NEXMIF: variants seen among roughly 807,000 people sequenced by gnomAD.
NEXMIF encodes neurite extension and migration factor.
Under a neutral mutation model 62.1 loss-of-function variants are expected in NEXMIF, and 8 were observed. The ratio of observed to expected loss-of-function variants is 0.13; its 90% confidence interval spans 0.08 to 0.23. The LOEUF (loss-of-function observed/expected upper bound fraction) is 0.23. NEXMIF is among the 10% of genes least tolerant of loss of function. The pLI, the probability that NEXMIF is intolerant of heterozygous loss-of-function variation, is 1.00. For synonymous variants in NEXMIF, 404 were observed against 416.6 expected, an observed-to-expected ratio of 0.97 and a Z score of 0.37; for missense variants, 976 against 1,113.3, an observed-to-expected ratio of 0.88 and a Z score of 1.75.
intron 1 of NEXMIF, among the ~76,000 whole-genome samples, chrX:74,850,153 T>C (rs1216633657): frequency 8.9e-6 from 1 of 111,791 alleles, no homozygotes; most frequent in African/African-American, 3.3e-5. Flanking sequence ...ACTTGAGCAC[T>C]TCTCCCAGGG....
chrX:74,763,700 T>C (rs998553913), intron 1 of NEXMIF, among the ~76,000 whole-genome samples: 82 of 69,216 alleles, frequency 1.2e-3, no homozygotes, highest in African/African-American at 3.5e-3. Flanking sequence ...GTAAGTTGAA[T>C]TCCTAGGTAT....
At chrX:74,855,133 A>G (rs1220247274) in intron 1 of NEXMIF, among the ~76,000 whole-genome samples, 1 of 111,969 alleles carries the variant, frequency 8.9e-6, no homozygotes. Flanking sequence ...AAGGTACAGA[A>G]CTGGAGGCAT....
At position 74,759,196 on chromosome X, in the gene NEXMIF, GTGTC is replaced by G. The variant is rs1352629261; in HGVS notation, c.-47-13503_-47-13500del. ...TCATATGATTGTCTTCTTTTGAAAA[GTGTC>G]TGTTCATGTCCTTTGCCCACTTTTT... On this transcript the variant is annotated intron_variant, in intron 1 of 3. Coordinates refer to ENST00000055682, the MANE Select transcript of NEXMIF (RefSeq NM_001008537.3). 2.7e-5 allele frequency among the ~76,000 whole-genome samples: 3 copies of G among 112,369 alleles called. 1 individual carries two copies. Among genetic ancestry groups the G allele is most frequent in the Middle Eastern group, 9.3e-3 (2 of 214 alleles).
At chrX:74,919,931 C>T (rs1237784008) in intron 1 of NEXMIF, among the ~76,000 whole-genome samples, 1 of 110,632 alleles carries the variant, frequency 9.0e-6, no homozygotes, top group Non-Finnish European at 1.9e-5. Context: ...CAATTTCATC[C>T]ATGTCCCTAC....
intron 1 of NEXMIF, among the ~76,000 whole-genome samples, chrX:74,760,385 T>C (rs2080172214): frequency 8.9e-6 from 1 of 111,751 alleles, no homozygotes; most frequent in African/African-American, 3.3e-5. Context: ...CCTTTATTTC[T>C]TTCTCTTGTC....
chrX:74,776,727 C>CAAAAAAAA (rs35129554), intron 1 of NEXMIF, among the ~76,000 whole-genome samples: 1 of 64,818 alleles, frequency 1.5e-5, no homozygotes, highest in Non-Finnish European at 2.7e-5. Context: ...AACTCAGTCT[C>CAAAAAAAA]AAAAAAAAAA....
chrX:74,819,580 GA>G (rs974125825), intron 1 of NEXMIF, among the ~76,000 whole-genome samples: 3 of 111,895 alleles, frequency 2.7e-5, no homozygotes, highest in African/African-American at 9.7e-5. Flanking sequence ...ATAAACATCT[GA>G]AAAAAAGCTC....
chrX:74,883,557 C>T (rs745439410), intron 1 of NEXMIF, among the ~76,000 whole-genome samples: 43 of 110,610 alleles, frequency 3.9e-4, no homozygotes, highest in Middle Eastern at 9.4e-3. Flanking sequence ...CGATGGAAGA[C>T]GAAATGAATG....
chrX:74,847,583 G>C (rs2080496408), intron 1 of NEXMIF, among the ~76,000 whole-genome samples: 1 of 111,468 alleles, frequency 9.0e-6, no homozygotes, highest in African/African-American at 3.3e-5. Flanking sequence ...TCCTAAAGTA[G>C]CCAATTTGGA....
chrX:74,903,830 C>T (rs1038975026), intron 1 of NEXMIF, among the ~76,000 whole-genome samples: 11 of 110,213 alleles, frequency 1.0e-4, no homozygotes, highest in Non-Finnish European at 1.9e-4. Context: ...TGCACTTTTG[C>T]ACTATTACAA....
chrX:74,910,730 G>C (rs1308794715), intron 1 of NEXMIF, among the ~76,000 whole-genome samples: 1 of 111,557 alleles, frequency 9.0e-6, no homozygotes, highest in Admixed American at 9.5e-5. Flanking sequence ...GCTGTGGGAG[G>C]GACCTTGTCA....
At chrX:74,851,590 G>GA (rs372274176) in intron 1 of NEXMIF, among the ~76,000 whole-genome samples, 2,024 of 102,150 alleles carry the variant, frequency 0.02, 46 homozygotes, top group African/African-American at 0.065. Context: ...GTGCTTAAAG[G>GA]AAAAAAAAAA....
chrX:74,850,410 C>T (rs748021152), intron 1 of NEXMIF, among the ~76,000 whole-genome samples: 1 of 112,327 alleles, frequency 8.9e-6, no homozygotes, highest in African/African-American at 3.2e-5. Context: ...GGAGGTGCAA[C>T]CATTGGCCTG....
chrX:74,848,127 A>G (rs964849612), intron 1 of NEXMIF, among the ~76,000 whole-genome samples: 1 of 111,797 alleles, frequency 8.9e-6, no homozygotes, highest in African/African-American at 3.2e-5. Flanking sequence ...GGTTATGATT[A>G]TTCTCTATGC....
intron 1 of NEXMIF, among the ~76,000 whole-genome samples, chrX:74,893,856 C>T (rs986981375): frequency 8.9e-6 from 1 of 112,081 alleles, no homozygotes; most frequent in African/African-American, 3.2e-5. Context: ...CTGAGATACC[C>T]CATCTAGGGA....
intron 1 of NEXMIF, among the ~76,000 whole-genome samples, chrX:74,816,347 T>C (rs187775134): frequency 2.7e-5 from 3 of 112,322 alleles, no homozygotes; most frequent in Admixed American, 9.4e-5. Context: ...CAAAATTATC[T>C]ATGTGTTAGG....
chrX:74,779,835 T>C (rs2080240630), intron 1 of NEXMIF, among the ~76,000 whole-genome samples: 1 of 111,907 alleles, frequency 8.9e-6, no homozygotes, highest in Non-Finnish European at 1.9e-5. Context: ...TTTTAGGATT[T>C]TACATCTACC....
intron 1 of NEXMIF, among the ~76,000 whole-genome samples, chrX:74,883,590 T>C (rs1370182714): frequency 9.0e-6 from 1 of 111,096 alleles, no homozygotes; most frequent in Non-Finnish European, 1.9e-5. Context: ...AAGAGAAGTT[T>C]AGAGAAAAAA....
At chrX:74,885,177 G>A (rs776895108) in intron 1 of NEXMIF, among the ~76,000 whole-genome samples, 5 of 110,915 alleles carry the variant, frequency 4.5e-5, no homozygotes, top group African/African-American at 1.6e-4. Flanking sequence ...AGCACTAAAT[G>A]CCCACAAGAG....
Sources: allele counts gnomAD v4.1 joint callset (sites outside exome capture counted in the v4.1 genomes callset), GRCh38; gene constraint gnomAD v4.1.1; transcripts MANE v1.5; gene names NCBI Gene and HGNC (gene_info 2026-07-23, HGNC 2026-07-21).